MYO1H: variants seen among roughly 807,000 people sequenced by gnomAD.
The protein encoded by MYO1H is unconventional myosin-Ih.
MYO1H carries 118 observed loss-of-function variants against 149.3 expected under a neutral mutation model. The ratio of observed to expected loss-of-function variants is 0.79; its 90% CI spans 0.68 to 0.92. MYO1H has a LOEUF of 0.92. Among genes scored for constraint, MYO1H ranks in the 40% least tolerant of loss-of-function variants. The pLI, the probability that MYO1H is intolerant of heterozygous loss-of-function variation, is 0.00. For missense variants in MYO1H, 1,212 were observed against 1,280.7 expected, an observed-to-expected ratio of 0.95 and a Z score of 0.82; for synonymous variants, 447 against 465.2, an observed-to-expected ratio of 0.96 and a Z score of 0.50.
chr12:109,411,380 G>A lies in MYO1H; in HGVS notation c.1411-514G>A, dbSNP rs145028330. Among the ~76,000 whole-genome samples, 452 of 152,352 alleles carry A rather than the reference G, an allele frequency of 3.0e-3. 3 individuals are homozygous for A. Among genetic ancestry groups the A allele is most frequent in the African/African-American group, 9.8e-3 (408 of 41,578 alleles). ...GGCCTGCCAAATGCCAGGATTATAG[G>A]TGTGAACCACTTCACCCAACCACAC... is the stretch of plus-strand genomic sequence containing the variant. On this transcript the variant is annotated intron_variant, in intron 13 of 31. Transcript: ENST00000310903.
intron 1 of MYO1H, among the ~76,000 whole-genome samples, chr12:109,367,140 AGATATTTCTCTGCAG>A (rs2137011336): frequency 6.6e-6 from 1 of 152,380 alleles, no homozygotes; most frequent in African/African-American, 2.4e-5. Context: ...TACCTTCATC[AGATATTTCTCTGCAG>A]GAAAAGTTTC....
the MYO1H span, among the ~76,000 whole-genome samples, chr12:109,314,847 C>G: frequency 6.6e-6 from 1 of 152,138 alleles, no homozygotes; most frequent in Non-Finnish European, 1.5e-5. Context: ...CACCTGTAAT[C>G]CCAGCACTTT....
At chr12:109,431,795 G>A (rs781732956) in intron 19 of MYO1H, among the ~76,000 whole-genome samples, 16 of 151,988 alleles carry the variant, frequency 1.1e-4, no homozygotes, top group African/African-American at 2.4e-4. Context: ...CCTGGGGGAC[G>A]GGGGAAGCCC....
At chr12:109,445,804 A>G (rs1169348437) in intron 31 of MYO1H, 192 bp downstream of exon 31, 1 of 985,356 alleles carries the variant, frequency 1.0e-6, no homozygotes, top group African/African-American at 1.7e-5. Context: ...TAAACACTGA[A>G]TGAGAAAAGA....
intron 1 of MYO1H, among the ~76,000 whole-genome samples, chr12:109,374,351 G>A (rs1049049214): frequency 1.7e-4 from 26 of 152,118 alleles, no homozygotes; most frequent in African/African-American, 2.4e-4. Context: ...CAGTTTCCCC[G>A]TCTGTAAAAT....
At chr12:109,443,266 ATGTG>A (rs1246633504) in intron 27 of MYO1H, among the ~76,000 whole-genome samples, 1 of 138,080 alleles carries the variant, frequency 7.2e-6, no homozygotes, top group East Asian at 2.0e-4. Flanking sequence ...GTGTACGTAT[ATGTG>A]TGTGTATATG....
intron 16 of MYO1H, among the ~76,000 whole-genome samples, chr12:109,422,565 C>T (rs1464710646): frequency 6.6e-6 from 1 of 152,138 alleles, no homozygotes; most frequent in South Asian, 2.1e-4. Flanking sequence ...GGGTCATGGC[C>T]GTCAGCTTCA....
At chr12:109,390,435 A>T (rs1260024743) in intron 2 of MYO1H, among the ~76,000 whole-genome samples, 2 of 151,848 alleles carry the variant, frequency 1.3e-5, no homozygotes, top group Non-Finnish European at 2.9e-5. Flanking sequence ...TTTTCCAAGG[A>T]GTATATTAAT....
chr12:109,383,579 T>C (rs1048472909), intron 1 of MYO1H, among the ~76,000 whole-genome samples: 1 of 152,264 alleles, frequency 6.6e-6, no homozygotes, highest in African/African-American at 2.4e-5. Context: ...TGTTTTGATC[T>C]TGTGGCTTGT....
chr12:109,332,065 A>G, the MYO1H span, among the ~76,000 whole-genome samples: 4 of 152,198 alleles, frequency 2.6e-5, no homozygotes, highest in African/African-American at 9.7e-5. Context: ...TAAAATGTAT[A>G]AAATACTCAG....
intron 14 of MYO1H, among the ~76,000 whole-genome samples, chr12:109,413,391 C>T (rs1010803697): frequency 1.3e-5 from 2 of 152,188 alleles, no homozygotes; most frequent in African/African-American, 4.8e-5. Context: ...AGTGCAATCT[C>T]TGGCCATGGT....
chr12:109,321,924 C>G, the MYO1H span, among the ~76,000 whole-genome samples: 1 of 152,160 alleles, frequency 6.6e-6, no homozygotes, highest in East Asian at 1.9e-4. Context: ...TATGACCACT[C>G]TCACCTCTGG....
chr12:109,431,995 T>A (rs1283030360), intron 19 of MYO1H, among the ~76,000 whole-genome samples: 10 of 51,914 alleles, frequency 1.9e-4, no homozygotes, highest in Admixed American at 6.8e-4. Context: ...AAAAAAAATT[T>A]TTTTTTTTTT....
chr12:109,388,653 A>C, intron 1 of MYO1H, 30 bp from the exon 2 acceptor site: 1 of 1,511,972 alleles, frequency 6.6e-7, no homozygotes. Context: ...CAAATAGATG[A>C]GCTGCTGAAG....
At chr12:109,409,218 T>C (rs1303827775) in intron 10 of MYO1H, among the ~76,000 whole-genome samples, 1 of 117,974 alleles carries the variant, frequency 8.5e-6, no homozygotes, top group African/African-American at 2.9e-5. Context: ...TTCTTCTCCT[T>C]CTTCTTTTTC....
At chr12:109,446,348 G>A (rs1397471306) in intron 31 of MYO1H, 2 of 985,270 alleles carry the variant, frequency 2.0e-6, no homozygotes, top group Non-Finnish European at 2.4e-6. Flanking sequence ...AAAGCAGAGG[G>A]AGCTGAATCT....
intron 1 of MYO1H, among the ~76,000 whole-genome samples, chr12:109,371,009 TA>T (rs1419309292): frequency 6.6e-6 from 1 of 152,170 alleles, no homozygotes; most frequent in African/African-American, 2.4e-5. Context: ...GAGATAATAA[TA>T]GAGGAATTTG....
At chr12:109,344,406 A>C (rs1284904556), upstream of MYO1H, among the ~76,000 whole-genome samples, 1 of 152,206 alleles carries the variant, frequency 6.6e-6, no homozygotes, top group African/African-American at 2.4e-5. Context: ...AGAATAAAAT[A>C]CTTAGGAATA....
At chr12:109,411,641 ACTT>A (rs1354018042) in intron 13 of MYO1H, among the ~76,000 whole-genome samples, 1 of 152,062 alleles carries the variant, frequency 6.6e-6, no homozygotes, top group Non-Finnish European at 1.5e-5. Flanking sequence ...CCTTGGGAAG[ACTT>A]TGAGTCAGAT....
Sources: allele counts gnomAD v4.1 joint callset (sites outside exome capture counted in the v4.1 genomes callset), GRCh38; gene constraint gnomAD v4.1.1; transcripts MANE v1.5; gene names NCBI Gene and HGNC (gene_info 2026-07-23, HGNC 2026-07-21).